The following TM7SF3 variants were observed in gnomAD, a reference collection of about 807,000 sequenced individuals.
The protein encoded by TM7SF3 is seven span transmembrane protein.
Under a neutral mutation model 65.5 loss-of-function variants are expected in TM7SF3, and 60 were observed. The observed-to-expected ratio is 0.92, with a 90% CI of 0.74 to 1.14. TM7SF3 has a LOEUF of 1.14. Ranked by LOEUF, TM7SF3 falls within the 50% of genes most tolerant of loss-of-function variation. The pLI is 0.00. For synonymous variants in TM7SF3, 264 were observed against 259.6 expected, an observed-to-expected ratio of 1.02 and a Z score of -0.16; for missense variants, 623 against 684.8, an observed-to-expected ratio of 0.91 and a Z score of 1.01.
At chr12:27,012,641 A>T (rs1038150391) in intron 1 of TM7SF3, 1 of 456,010 alleles carries the variant, frequency 2.2e-6, no homozygotes, top group Non-Finnish European at 4.4e-6. Flanking sequence ...GCCCAAACCC[A>T]TTCACCAAGC....
intron 3 of TM7SF3, among the ~76,000 whole-genome samples, chr12:26,998,232 C>G (rs1470313888): frequency 6.6e-6 from 1 of 152,144 alleles, no homozygotes; most frequent in Non-Finnish European, 1.5e-5. Flanking sequence ...CCACCAGAAA[C>G]AGTGCCTGAC....
At chr12:26,997,628 C>T (rs1224396909) in intron 3 of TM7SF3, among the ~76,000 whole-genome samples, 1 of 151,998 alleles carries the variant, frequency 6.6e-6, no homozygotes, top group Non-Finnish European at 1.5e-5. Context: ...TCCTAACTAG[C>T]GCTCCCTCTC....
At chr12:27,003,468 T>G in intron 1 of TM7SF3, 78 bp from the exon 2 acceptor site, 1 of 1,362,642 alleles carries the variant, frequency 7.3e-7, no homozygotes, top group Non-Finnish European at 1.0e-6. Flanking sequence ...TAAATGAATG[T>G]GGAATTTAAT....
In TM7SF3 at chr12:26,996,903, AC is replaced by A. The variant is rs763654314; in HGVS notation, c.398-42del. 7 of 1,571,732 alleles carry A rather than the reference AC, an allele frequency of 4.5e-6. No homozygotes were observed. The South Asian group carries it at 7.1e-5, about 16-fold the overall frequency. On this transcript the variant is annotated intron_variant, in intron 3 of 11. Transcript: ENST00000343028. Reference sequence around the variant, plus strand: ...GGAAGTTACTAAACAAACAATTCCTACATATCCAAATCATACTCAGAAAAAC... The same window carrying A: ...GGAAGTTACTAAACAAACAATTCCTAATATCCAAATCATACTCAGAAAAAC...
intron 1 of TM7SF3, among the ~76,000 whole-genome samples, chr12:27,012,206 C>T (rs1179814778): frequency 6.6e-6 from 1 of 152,148 alleles, no homozygotes; most frequent in Non-Finnish European, 1.5e-5. Context: ...GGGTTCAAGT[C>T]CTATCTGTAA....
chr12:26,976,224 A>G (rs2136374585), intron 10 of TM7SF3, 36 bp downstream of exon 10: 1 of 1,444,750 alleles, frequency 6.9e-7, no homozygotes, highest in South Asian at 1.1e-5. Context: ...ACAGGATAAC[A>G]TAATCAATAA....
chr12:27,012,760 G>C, intron 1 of TM7SF3: 1 of 455,920 alleles, frequency 2.2e-6, no homozygotes, highest in South Asian at 1.5e-5. Context: ...AGCACTCTGG[G>C]AGGCCAAGGC....
Position 26,995,362 on chromosome 12 carries a change from T to C in TM7SF3, c.565A>G (p.Arg189Gly). ...TAGACATCATACTGCAACCTCCACCTGGAGTCCTGGTCTGTCCCAGCGTCA... is the reference window on the plus strand; with the variant it reads ...TAGACATCATACTGCAACCTCCACCCGGAGTCCTGGTCTGTCCCAGCGTCA... ...PCDAGTDQDS[R>G]WRLQYDVYQY... The change falls in exon 5 of 12, where the codon AGG (arginine) becomes GGG (glycine). Residue 189 changes from arginine (R) to glycine (G), a missense_variant. Physicochemically the swap from Arg to Gly is moderately radical, Grantham distance 125. Coordinates refer to ENST00000343028, the MANE Select transcript of TM7SF3 (RefSeq NM_016551.3). 2 of 1,614,176 alleles carry C rather than the reference T, an allele frequency of 1.2e-6. No homozygotes were observed. Among genetic ancestry groups the C allele is most frequent in the South Asian group, 1.1e-5 (1 of 91,084 alleles).
chr12:26,990,731 T>C (rs561709143), intron 5 of TM7SF3, 104 bp from the exon 6 acceptor site: 5 of 860,334 alleles, frequency 5.8e-6, no homozygotes, highest in Non-Finnish European at 8.8e-6. Flanking sequence ...TCATAAATTA[T>C]AATTCTTGCT....
rs368654119 is a variant in TM7SF3, at chr12:26,995,411, A to C, written c.519-3T>G. The C allele has an allele frequency of 1.5e-5, 25 of 1,613,966 alleles. No individual in the cohort carries two copies. The highest frequency in any genetic ancestry group is 2.7e-5 in the African/African-American group (2 of 74,918). Reference sequence around the variant, plus strand: ...CACATGGTGGGGGATCTACGCCTCTAAAGTCAACCAACAAAATGAAACATC... The same window carrying C: ...CACATGGTGGGGGATCTACGCCTCTCAAGTCAACCAACAAAATGAAACATC... On this transcript the variant is annotated splice_region_variant and splice_polypyrimidine_tract_variant and intron_variant, in intron 4 of 11. Coordinates refer to ENST00000343028, the MANE Select transcript of TM7SF3 (RefSeq NM_016551.3).
intron 7 of TM7SF3, 86 bp downstream of exon 7, chr12:26,982,687 T>G: frequency 1.2e-6 from 1 of 849,246 alleles, no homozygotes; most frequent in Non-Finnish European, 1.8e-6. Context: ...TAGAGATAAG[T>G]AAGTGCTTAC....
chr12:26,992,236 A>G (rs950788986), intron 5 of TM7SF3, among the ~76,000 whole-genome samples: 3 of 152,170 alleles, frequency 2.0e-5, no homozygotes, highest in African/African-American at 7.2e-5. Flanking sequence ...ATTCAGTTGA[A>G]CAAAATCATC....
chr12:26,999,203 T>C (rs1327098933), intron 3 of TM7SF3, among the ~76,000 whole-genome samples: 3 of 152,096 alleles, frequency 2.0e-5, no homozygotes, highest in Non-Finnish European at 4.4e-5. Context: ...GAGACCAGCC[T>C]GGCCAACATG....
At chr12:27,012,154 A>G (rs1239419920) in intron 1 of TM7SF3, among the ~76,000 whole-genome samples, 3 of 152,240 alleles carry the variant, frequency 2.0e-5, no homozygotes, top group Non-Finnish European at 4.4e-5. Context: ...AGACAGCTTT[A>G]CGGAAGTGGA....
chr12:27,009,842 A>AT (rs151264876), intron 1 of TM7SF3, among the ~76,000 whole-genome samples: 19,086 of 152,184 alleles, frequency 0.13, 1,680 homozygotes, highest in Admixed American at 0.26. Flanking sequence ...ATAAATATGT[A>AT]TTTTTTTCCC....
rs780327046 is a variant in TM7SF3, at chr12:27,003,234, AC to A, written c.246+1del. The A allele has an allele frequency of 4.4e-6, 7 of 1,600,222 alleles. No individual in the cohort carries two copies. Among genetic ancestry groups the A allele is most frequent in the Non-Finnish European group, 4.3e-6 (5 of 1,173,030 alleles). On this transcript the variant is annotated splice_donor_variant, in intron 2 of 11. Coordinates refer to ENST00000343028, the MANE Select transcript of TM7SF3 (RefSeq NM_016551.3). LOFTEE classifies it high-confidence loss of function. ...TTTACTAAAATAATTCTTTGCACTT[AC>A]CGGAGAAAAGGAAACAGTTGTATTC...
intron 6 of TM7SF3, among the ~76,000 whole-genome samples, chr12:26,985,760 G>C (rs1940049372): frequency 7.1e-6 from 1 of 140,782 alleles, no homozygotes; most frequent in South Asian, 2.2e-4. Context: ...TTGAGTGGAA[G>C]ACTGAGTGGT....
rs1459082743 is a variant in TM7SF3, at chr12:26,980,539, C to T, written c.1036+27G>A. The T allele has an allele frequency of 2.6e-6, 3 of 1,143,174 alleles. No individual in the cohort carries two copies. In the African/African-American group the frequency reaches 4.6e-5, roughly 18 times the overall value. The allele number at this position is 1,143,174 out of a possible 1,614,324, so 70.8% of individuals were successfully genotyped here. A position where few individuals can be genotyped will look rare whatever the true frequency, so the allele number is the denominator to read the frequency against. Reference sequence around the variant, plus strand: ...CACAGCACCTGCCTTCTTGAATACCCAGTTAAACTATATAATTTTCACTTA... The same window carrying T: ...CACAGCACCTGCCTTCTTGAATACCTAGTTAAACTATATAATTTTCACTTA... On this transcript the variant is annotated intron_variant, in intron 8 of 11. Transcript: ENST00000343028.
chr12:27,004,495 C>T (rs1191311524), intron 1 of TM7SF3, among the ~76,000 whole-genome samples: 1 of 152,056 alleles, frequency 6.6e-6, no homozygotes, highest in South Asian at 2.1e-4. Context: ...AGTCAGTGGG[C>T]GGTAAAACAT....
Sources: allele counts gnomAD v4.1 joint callset (sites outside exome capture counted in the v4.1 genomes callset), GRCh38; gene constraint gnomAD v4.1.1; transcripts MANE v1.5; gene names NCBI Gene and HGNC (gene_info 2026-07-23, HGNC 2026-07-21).